Variants in CDH7 observed in about 807,000 individuals in gnomAD.
CDH7 encodes cadherin-7.
Under a neutral mutation model 71.8 loss-of-function variants are expected in CDH7, and 25 were observed. The ratio of observed to expected loss-of-function variants is 0.35; its 90% confidence interval spans 0.25 to 0.49. The LOEUF is 0.49. Ranked by LOEUF, CDH7 falls within the 20% of genes least tolerant of loss-of-function variation. CDH7 has a pLI of 0.99. For synonymous variants in CDH7, 381 were observed against 363.8 expected (o/e 1.05, Z -0.54); for missense variants, 862 against 974.6 (o/e 0.88, Z 1.54).
intron 9 of CDH7, 80 bp downstream of exon 9, chr18:65,859,126 C>T: frequency 7.5e-7 from 1 of 1,328,410 alleles, no homozygotes; most frequent in Non-Finnish European, 1.1e-6. Context: ...TGAAATTCTT[C>T]CAGCTTTAAG....
At chr18:65,860,007 TA>T (rs1189231937) in intron 10 of CDH7, among the ~76,000 whole-genome samples, 182 bp downstream of exon 10, 1 of 152,202 alleles carries the variant, frequency 6.6e-6, no homozygotes, top group Admixed American at 6.5e-5. Context: ...AGCTGCTATT[TA>T]AATTTTCTTA....
Position 65,851,017 on chromosome 18 carries a change from T to C in CDH7, c.1236-6799T>C, listed in dbSNP as rs141152309. ...TGGGGCTTTGCCATGTTGCCTAGGC[T>C]GGTCTCTAAGTCCTGAACTCAAGCA... On this transcript the variant is annotated intron_variant, in intron 7 of 11. Coordinates refer to ENST00000397968, the MANE Select transcript of CDH7 (RefSeq NM_004361.5). 1.3e-3 allele frequency among the ~76,000 whole-genome samples: 195 copies of C among 152,196 alleles called. 1 individual carries two copies. The highest frequency in any genetic ancestry group is 4.5e-3 in the African/African-American group (188 of 41,556).
chr18:65,854,023 G>A (rs545773854), intron 7 of CDH7, among the ~76,000 whole-genome samples: 77 of 148,112 alleles, frequency 5.2e-4, no homozygotes, highest in African/African-American at 1.6e-3. Context: ...GAAGGGGTCT[G>A]GGCGTGGTGT....
intron 6 of CDH7, among the ~76,000 whole-genome samples, chr18:65,825,611 G>T (rs979567994): frequency 1.3e-5 from 2 of 151,600 alleles, no homozygotes; most frequent in Non-Finnish European, 3.0e-5. Context: ...TCAATATCTT[G>T]ACCCCTAAGA....
At chr18:65,763,145 T>C (rs1916251389) in intron 2 of CDH7, 93 bp downstream of exon 2, 1 of 680,378 alleles carries the variant, frequency 1.5e-6, no homozygotes, top group Admixed American at 3.9e-5. Flanking sequence ...AATTTATTTT[T>C]TGCTATGGGG....
chr18:65,862,777 C>T lies in CDH7; in HGVS notation c.1724C>T (p.Thr575Ile). The change falls in exon 11 of 12, where the codon ACC becomes ATC. Residue 575 changes from threonine (T) to isoleucine (I), a missense_variant. By Grantham distance (89) the Thr-to-Ile change is moderately conservative. Transcript: ENST00000397968. ...AGTGGATCTCCCTCACTTAGCAGCA[C>T]CAACACCCTCACCATCCGCGTGTGT... ...VDSGSPSLSSTNTLTIRVCDC... is the reference protein window; with the variant it reads ...VDSGSPSLSSINTLTIRVCDC... The T allele has an allele frequency of 6.2e-7, 1 of 1,614,072 alleles. No individual in the cohort carries two copies. The highest frequency in any genetic ancestry group is 8.5e-7 in the Non-Finnish European group (1 of 1,179,950).
Position 65,811,966 on chromosome 18 carries a change from C to CTTTTTTTTTTTTTTTTT in CDH7, c.505+1971_505+1987dup, listed in dbSNP as rs57594274. On this transcript the variant is annotated intron_variant, in intron 3 of 11. Coordinates refer to ENST00000397968, the MANE Select transcript of CDH7 (RefSeq NM_004361.5). ...ATCACAGTACCTTTTCTTTTCTTTT[C>CTTTTTTTTTTTTTTTTT]TTTTTTTTTTTTTTTTTTTGCGAGA... 1.3e-3 allele frequency among the ~76,000 whole-genome samples: 127 copies of CTTTTTTTTTTTTTTTTT among 95,834 alleles called. 3 individuals are homozygous for CTTTTTTTTTTTTTTTTT. Among genetic ancestry groups the CTTTTTTTTTTTTTTTTT allele is most frequent in the Middle Eastern group, 8.8e-3 (1 of 114 alleles). The allele number at this position is 95,834 out of a possible 152,430, so 62.9% of individuals were successfully genotyped here.
At chr18:65,785,224 T>C (rs1226031981) in intron 2 of CDH7, among the ~76,000 whole-genome samples, 2 of 148,938 alleles carry the variant, frequency 1.3e-5, no homozygotes, top group East Asian at 1.9e-4. Context: ...ATATTTGTCA[T>C]ATAATATATG....
chr18:65,769,020 T>C (rs1916465760), intron 2 of CDH7, among the ~76,000 whole-genome samples: 1 of 152,134 alleles, frequency 6.6e-6, no homozygotes, highest in South Asian at 2.1e-4. Flanking sequence ...AATAAACTCT[T>C]TCATAAAATT....
intron 2 of CDH7, among the ~76,000 whole-genome samples, chr18:65,802,285 G>A (rs1911150982): frequency 6.6e-6 from 1 of 152,096 alleles, no homozygotes; most frequent in African/African-American, 2.4e-5. Context: ...TTTGTAAAAT[G>A]CAATAAAAAT....
intron 11 of CDH7, among the ~76,000 whole-genome samples, chr18:65,874,789 A>T (rs981748663): frequency 6.6e-6 from 1 of 152,044 alleles, no homozygotes; most frequent in Middle Eastern, 3.4e-3. Context: ...TTATTTAGCA[A>T]TGGTACCATT....
intron 2 of CDH7, among the ~76,000 whole-genome samples, chr18:65,783,469 G>A (rs1017597247): frequency 1.3e-5 from 2 of 152,126 alleles, no homozygotes; most frequent in Non-Finnish European, 2.9e-5. Flanking sequence ...TTTCTTAACA[G>A]CCATGTCTCT....
At chr18:65,867,238 TG>T (rs1913791738) in intron 11 of CDH7, among the ~76,000 whole-genome samples, 1 of 152,072 alleles carries the variant, frequency 6.6e-6, no homozygotes, top group Admixed American at 6.6e-5. Context: ...GGTTTCACTG[TG>T]TTAGCCAGGA....
chr18:65,791,047 G>A (rs1910695331), intron 2 of CDH7, among the ~76,000 whole-genome samples: 1 of 152,096 alleles, frequency 6.6e-6, no homozygotes, highest in African/African-American at 2.4e-5. Flanking sequence ...TGTAAAAAGT[G>A]TTTAACTTAA....
intron 7 of CDH7, among the ~76,000 whole-genome samples, chr18:65,855,009 T>C (rs1476397775): frequency 6.6e-6 from 1 of 151,906 alleles, no homozygotes; most frequent in African/African-American, 2.4e-5. Flanking sequence ...TATTCCACCC[T>C]GTATCTCACG....
At chr18:65,832,860 TAA>T (rs1234999792) in intron 6 of CDH7, among the ~76,000 whole-genome samples, 7 of 152,282 alleles carry the variant, frequency 4.6e-5, no homozygotes, top group South Asian at 4.1e-4. Flanking sequence ...GTTTTCAATA[TAA>T]GTCTTCAGTT....
At chr18:65,846,327 C>T (rs1912933886) in intron 7 of CDH7, among the ~76,000 whole-genome samples, 2 of 151,940 alleles carry the variant, frequency 1.3e-5, no homozygotes, top group South Asian at 2.1e-4. Context: ...TATTTTTTAC[C>T]CCACTTTCAT....
At chr18:65,762,218 T>A (rs1284404874) in intron 1 of CDH7, among the ~76,000 whole-genome samples, 2 of 152,190 alleles carry the variant, frequency 1.3e-5, no homozygotes, top group Non-Finnish European at 1.5e-5. Context: ...CCTTCCCATT[T>A]GGTTAAATTT....
At position 65,832,797 on chromosome 18, in the gene CDH7, CTT is replaced by C. The variant is rs1395577293; in HGVS notation, c.981+7971_981+7972del. ...ATAACTTAAAATTAGGCACTTTAGT[CTT>C]TTTTAATTTTTTTCTTTAATATATG... On this transcript the variant is annotated intron_variant, in intron 6 of 11. Transcript: ENST00000397968. 2.6e-5 allele frequency among the ~76,000 whole-genome samples: 4 copies of C among 151,912 alleles called. No homozygotes were observed. In the South Asian group the frequency reaches 8.3e-4, roughly 32 times the overall value.
Sources: allele counts gnomAD v4.1 joint callset (sites outside exome capture counted in the v4.1 genomes callset), GRCh38; gene constraint gnomAD v4.1.1; transcripts MANE v1.5; gene names NCBI Gene and HGNC (gene_info 2026-07-23, HGNC 2026-07-21).